The following ATF6 variants were observed in gnomAD, a reference collection of about 807,000 sequenced individuals.
ATF6 encodes the protein activating transcription factor 6.
ATF6 carries 53 observed loss-of-function variants against 83.6 expected under a neutral mutation model. The observed-to-expected ratio is 0.63, with a 90% CI of 0.51 to 0.80. The LOEUF (loss-of-function observed/expected upper bound fraction) is 0.80, where lower values mean the gene tolerates loss of function less well. ATF6 is among the 30% of genes least tolerant of loss of function. The pLI, the probability that ATF6 is intolerant of heterozygous loss-of-function variation, is 0.00. For synonymous variants in ATF6, 288 were observed against 285.8 expected, an observed-to-expected ratio of 1.01 and a Z score of -0.08; for missense variants, 744 against 797.9, an observed-to-expected ratio of 0.93 and a Z score of 0.81.
At position 161,833,105 on chromosome 1, in the gene ATF6, G is replaced by A. The variant is rs546613771; in HGVS notation, c.1187+11944G>A. 6.6e-5 allele frequency among the ~76,000 whole-genome samples: 10 copies of A among 152,258 alleles called. No individual in the cohort carries two copies. The East Asian group carries it at 1.4e-3, about 21-fold the overall frequency. ...CAGCATTTGCAGTTCACCAATATCC[G>A]CTGTTCTGCAGCCACCGCTGCTGAT... On this transcript the variant is annotated intron_variant, in intron 9 of 15. Coordinates refer to ENST00000367942, the MANE Select transcript of ATF6 (RefSeq NM_007348.4).
At chr1:161,948,369 A>G (rs147810057) in intron 15 of ATF6, among the ~76,000 whole-genome samples, 97 of 152,258 alleles carry the variant, frequency 6.4e-4, no homozygotes, top group African/African-American at 2.2e-3. Flanking sequence ...TGATCACTTC[A>G]TTTGCAAGAG....
chr1:161,830,992 A>G (rs1013158485), intron 9 of ATF6, among the ~76,000 whole-genome samples: 6 of 152,218 alleles, frequency 3.9e-5, no homozygotes, highest in African/African-American at 1.4e-4. Flanking sequence ...AAAAGAAACT[A>G]CCGTCAGAGT....
chr1:161,782,142 G>A (rs1033701447), intron 3 of ATF6, 143 bp downstream of exon 3: 5 of 581,574 alleles, frequency 8.6e-6, no homozygotes, highest in Non-Finnish European at 1.5e-5. Context: ...TTCTGGTATG[G>A]CAATTATGTA....
At chr1:161,845,929 A>G (rs1686475365) in intron 9 of ATF6, among the ~76,000 whole-genome samples, 1 of 152,154 alleles carries the variant, frequency 6.6e-6, no homozygotes, top group South Asian at 2.1e-4. Context: ...GTTTTTACAT[A>G]TAAATACAAA....
chr1:161,885,386 C>T (rs1360430683), intron 14 of ATF6, among the ~76,000 whole-genome samples: 1 of 152,068 alleles, frequency 6.6e-6, no homozygotes, highest in Non-Finnish European at 1.5e-5. Flanking sequence ...TACAGATGAA[C>T]TCCAGTTATT....
At chr1:161,900,842 T>C (rs1177215429) in intron 14 of ATF6, among the ~76,000 whole-genome samples, 1 of 152,126 alleles carries the variant, frequency 6.6e-6, no homozygotes, top group African/African-American at 2.4e-5. Context: ...AAATAGATAA[T>C]TAAGCAATGC....
intron 6 of ATF6, among the ~76,000 whole-genome samples, chr1:161,796,239 A>C (rs1685019210): frequency 6.6e-6 from 1 of 152,254 alleles, no homozygotes; most frequent in South Asian, 2.1e-4. Context: ...AACTGTAGCT[A>C]GAAATAGGAT....
chr1:161,842,625 G>A (rs1489494451), intron 9 of ATF6, among the ~76,000 whole-genome samples: 1 of 152,096 alleles, frequency 6.6e-6, no homozygotes, highest in African/African-American at 2.4e-5. Flanking sequence ...AAACCAAACA[G>A]CGTTATATTC....
chr1:161,870,027 T>TC (rs1261404540), intron 14 of ATF6, among the ~76,000 whole-genome samples: 1 of 1,930 alleles, frequency 5.2e-4, no homozygotes, highest in Non-Finnish European at 8.7e-4. Flanking sequence ...AATACAGTGA[T>TC]TTTTTTTTCT....
chr1:161,767,156 A>G (rs942371545), intron 1 of ATF6, among the ~76,000 whole-genome samples: 5 of 152,152 alleles, frequency 3.3e-5, no homozygotes, highest in Non-Finnish European at 7.4e-5. Context: ...CTTGATTGCA[A>G]GATATAATAG....
intron 1 of ATF6, among the ~76,000 whole-genome samples, chr1:161,775,216 A>G (rs1684487487): frequency 6.6e-6 from 1 of 152,226 alleles, no homozygotes; most frequent in Non-Finnish European, 1.5e-5. Context: ...ATATAGTCAC[A>G]TGATCACTTG....
chr1:161,936,919 C>G (rs752280487), intron 15 of ATF6, among the ~76,000 whole-genome samples: 7 of 152,064 alleles, frequency 4.6e-5, no homozygotes, highest in Non-Finnish European at 8.8e-5. Flanking sequence ...ATTGCACAGC[C>G]AAAAACCTTC....
rs1332262927 is a variant in ATF6 at position 161,958,649 on chromosome 1, C to A, written c.2008C>A (p.Gln670Lys). 1.2e-6 allele frequency: 2 copies of A among 1,608,876 alleles called. No homozygotes were observed. The highest frequency in any genetic ancestry group is 1.7e-6 in the Non-Finnish European group (2 of 1,177,332). Residue 670 changes from glutamine (Q) to lysine (K), a missense_variant, in exon 16 of 16, where the codon CAA (glutamine) becomes AAA (lysine). Physicochemically the swap from Gln to Lys is moderately conservative, Grantham distance 53. Coordinates refer to ENST00000367942, the MANE Select transcript of ATF6 (RefSeq NM_007348.4). ...TGTCAGCACCATCCCTGAGTCATTACAATAGCACCCTGCAGCTATGCTGGA... is the reference window on the plus strand; with the variant it reads ...TGTCAGCACCATCCCTGAGTCATTAAAATAGCACCCTGCAGCTATGCTGGA... ...HVVSTIPESL[Q>K]
Position 161,935,952 on chromosome 1 carries a change from G to A in ATF6, c.1805-22494G>A, listed in dbSNP as rs137979131. Among the ~76,000 whole-genome samples, 613 of 152,228 alleles carry A rather than the reference G, an allele frequency of 4.0e-3. 4 individuals carry two copies. Among genetic ancestry groups the A allele is most frequent in the African/African-American group, 0.014 (597 of 41,540 alleles). On this transcript the variant is annotated intron_variant, in intron 15 of 15. Transcript: ENST00000367942. ...CCAGAATCTGTGCTTTTCAATTATT[G>A]GTTCTAATTCAGTATTTTTAGGCCT...
At chr1:161,921,513 A>G (rs1688212035) in intron 15 of ATF6, among the ~76,000 whole-genome samples, 1 of 152,226 alleles carries the variant, frequency 6.6e-6, no homozygotes, top group African/African-American at 2.4e-5. Flanking sequence ...AAGAAATTCC[A>G]AAGGAAAAAT....
At chr1:161,814,899 C>T (rs1685574779) in intron 7 of ATF6, among the ~76,000 whole-genome samples, 1 of 152,062 alleles carries the variant, frequency 6.6e-6, no homozygotes, top group Non-Finnish European at 1.5e-5. Context: ...AATATGTTTA[C>T]TGCAATACAT....
chr1:161,766,369 G>C lies in ATF6; in HGVS notation c.9G>C (p.Glu3Asp), dbSNP rs1684259661. The C allele has an allele frequency of 6.2e-7, 1 of 1,612,748 alleles. No individual in the cohort carries two copies. The highest frequency in any genetic ancestry group is 1.7e-5 in the Admixed American group (1 of 59,762). ...GAGAAGGAACTTGTGAAATGGGGGAGCCGGCTGGGGTTGCCGGCACCATGG... is the reference window on the plus strand; with the variant it reads ...GAGAAGGAACTTGTGAAATGGGGGACCCGGCTGGGGTTGCCGGCACCATGG... MG[E>D]PAGVAGTMES... Residue 3 changes from glutamate to aspartate, a missense_variant, in exon 1 of 16, where the codon GAG becomes GAC. Physicochemically the swap from Glu to Asp is conservative, Grantham distance 45 (BLOSUM62 2). Coordinates refer to ENST00000367942, the MANE Select transcript of ATF6 (RefSeq NM_007348.4).
intron 7 of ATF6, among the ~76,000 whole-genome samples, chr1:161,814,954 GTATTTT>G (rs1221984942): frequency 6.6e-6 from 1 of 151,988 alleles, no homozygotes; most frequent in Non-Finnish European, 1.5e-5. Context: ...TTGAAAGATT[GTATTTT>G]TATTTTTGGT....
intron 14 of ATF6, among the ~76,000 whole-genome samples, chr1:161,893,519 A>G (rs1006143044): frequency 2.0e-5 from 3 of 152,238 alleles, no homozygotes; most frequent in Admixed American, 6.5e-5. Context: ...AAGTGAAACT[A>G]TTCTTTTGTC....
Sources: allele counts gnomAD v4.1 joint callset (sites outside exome capture counted in the v4.1 genomes callset), GRCh38; gene constraint gnomAD v4.1.1; transcripts MANE v1.5; gene names NCBI Gene and HGNC (gene_info 2026-07-23, HGNC 2026-07-21).